The following IREB2 variants were observed in gnomAD, a reference collection of about 807,000 sequenced individuals.
The protein encoded by IREB2 is iron responsive element binding protein 2.
IREB2 carries 39 observed loss-of-function variants against 118.8 expected under a neutral mutation model. That is an observed-to-expected ratio of 0.33 (90% confidence interval 0.25 to 0.43). The LOEUF (loss-of-function observed/expected upper bound fraction) is 0.43. IREB2 is among the 20% of genes least tolerant of loss of function. IREB2 has a pLI of 1.00. For synonymous variants in IREB2, 372 were observed against 392.2 expected (o/e 0.95, Z 0.61); for missense variants, 900 against 1,147.3 (o/e 0.78, Z 3.11).
At chr15:78,459,001 A>G (rs1002148889) in intron 2 of IREB2, among the ~76,000 whole-genome samples, 1 of 152,046 alleles carries the variant, frequency 6.6e-6, no homozygotes, top group African/African-American at 2.4e-5. Context: ...GGTTTCCACC[A>G]TGTTGCCCAG....
At position 78,484,806 on chromosome 15, in the gene IREB2, A is replaced by G. The variant is rs1439401987; in HGVS notation, c.1459A>G (p.Ile487Val). 4 of 1,613,666 alleles carry G rather than the reference A, an allele frequency of 2.5e-6. No homozygotes were observed. Among genetic ancestry groups the G allele is most frequent in the Middle Eastern group, 1.7e-4 (1 of 5,912 alleles). Reference sequence around the variant, plus strand: ...AATTGCAGCTGAAAAACAAAAGGATATTGTCTCCATTCATTATGAAGGAAG... The same window carrying G: ...AATTGCAGCTGAAAAACAAAAGGATGTTGTCTCCATTCATTATGAAGGAAG... ...FQIAAEKQKD[I>V]VSIHYEGSEY... is the part of the protein sequence containing the mutation. The change falls in exon 12 of 22, where the codon ATT (isoleucine) becomes GTT (valine). Residue 487 changes from isoleucine to valine, a missense_variant. Transcript: ENST00000258886.
intron 9 of IREB2, chr15:78,476,583 C>A: frequency 3.0e-6 from 1 of 335,288 alleles, no homozygotes; most frequent in Non-Finnish European, 5.5e-6. Flanking sequence ...TTATTCAAAC[C>A]ATTGATCCTG....
At chr15:78,484,737 A>G in intron 11 of IREB2, 24 bp from the exon 12 acceptor site, 1 of 1,581,416 alleles carries the variant, frequency 6.3e-7, no homozygotes, top group Non-Finnish European at 8.7e-7. Flanking sequence ...TATTTAGTTT[A>G]TATTTTTGTG....
intron 9 of IREB2, among the ~76,000 whole-genome samples, 158 bp from the exon 10 acceptor site, chr15:78,478,139 T>C (rs571868580): frequency 8.7e-5 from 13 of 149,798 alleles, no homozygotes; most frequent in African/African-American, 3.2e-4. Context: ...GAGGCTGACA[T>C]GGGAGGATTG....
rs375450571 is a variant in IREB2 at position 78,448,485 on chromosome 15, AATTT to A, written c.106+8617_106+8620del. Reference sequence around the variant, plus strand: ...TTAAAAGAGAGAAAAAAAAGGTCAGAATTTATTTATTTATTTGAAGAAATAAGGT... The same window carrying A: ...TTAAAAGAGAGAAAAAAAAGGTCAGAATTTATTTATTTGAAGAAATAAGGT... On this transcript the variant is annotated intron_variant, in intron 2 of 21. Transcript: ENST00000258886. Among the ~76,000 whole-genome samples, 141 of 152,228 alleles carry A rather than the reference AATTT, an allele frequency of 9.3e-4. 1 individual carries two copies. The highest frequency in any genetic ancestry group is 3.2e-3 in the African/African-American group (134 of 41,534).
At chr15:78,451,636 C>T (rs180732769) in intron 2 of IREB2, among the ~76,000 whole-genome samples, 32 of 152,260 alleles carry the variant, frequency 2.1e-4, no homozygotes, top group Middle Eastern at 3.4e-3. Flanking sequence ...AAATCTGAAA[C>T]TTTTTGAGCA....
chr15:78,447,927 G>A (rs555822556), intron 2 of IREB2, among the ~76,000 whole-genome samples: 2 of 152,336 alleles, frequency 1.3e-5, no homozygotes, highest in East Asian at 3.9e-4. Context: ...TTGTCTGTTG[G>A]AAGGCTGGCT....
At chr15:78,477,523 T>G (rs2051492321) in intron 9 of IREB2, among the ~76,000 whole-genome samples, 1 of 152,178 alleles carries the variant, frequency 6.6e-6, no homozygotes, top group African/African-American at 2.4e-5. Flanking sequence ...ACGTGGTAGA[T>G]TCTCAAGGGT....
rs149930565 is a variant in IREB2, at chr15:78,458,761, T to A, written c.107-4161T>A. Among the ~76,000 whole-genome samples, 365 of 152,350 alleles carry A rather than the reference T, an allele frequency of 2.4e-3. 1 individual carries two copies. Among genetic ancestry groups the A allele is most frequent in the African/African-American group, 8.4e-3 (351 of 41,594 alleles). On this transcript the variant is annotated intron_variant, in intron 2 of 21. Coordinates refer to ENST00000258886, the MANE Select transcript of IREB2 (RefSeq NM_004136.4). ...TCATAAGAGCAGATACCACGTCTCATTTGTTCACCTAGTGCTGGAACATAC... is the reference window on the plus strand; with the variant it reads ...TCATAAGAGCAGATACCACGTCTCAATTGTTCACCTAGTGCTGGAACATAC...
At chr15:78,461,218 G>A (rs1356700580) in intron 2 of IREB2, among the ~76,000 whole-genome samples, 1 of 152,080 alleles carries the variant, frequency 6.6e-6, no homozygotes, top group African/African-American at 2.4e-5. Context: ...ATCATACATT[G>A]TCACCTCAGG....
chr15:78,458,791 A>G (rs1567167249), intron 2 of IREB2, among the ~76,000 whole-genome samples: 2 of 152,202 alleles, frequency 1.3e-5, no homozygotes, highest in Non-Finnish European at 2.9e-5. Context: ...ACATACTAGA[A>G]AAGTCAATAA....
intron 5 of IREB2, among the ~76,000 whole-genome samples, chr15:78,469,084 T>C (rs1271247623): frequency 1.3e-5 from 2 of 152,234 alleles, no homozygotes; most frequent in Admixed American, 1.3e-4. Flanking sequence ...AATTACAAAG[T>C]ATTAAGATAG....
intron 4 of IREB2, among the ~76,000 whole-genome samples, chr15:78,465,731 TG>T (rs2051271320): frequency 6.6e-6 from 1 of 152,222 alleles, no homozygotes; most frequent in Admixed American, 6.5e-5. Flanking sequence ...TTTAATTATT[TG>T]GTGATTAAAA....
intron 2 of IREB2, among the ~76,000 whole-genome samples, chr15:78,460,460 A>G (rs1314303898): frequency 6.6e-6 from 1 of 152,132 alleles, no homozygotes; most frequent in East Asian, 1.9e-4. Flanking sequence ...TATTTGATGT[A>G]TTTTGGTGAA....
intron 10 of IREB2, 32 bp downstream of exon 10, chr15:78,478,429 G>A (rs143607853): frequency 1.5e-6 from 2 of 1,305,314 alleles, no homozygotes; most frequent in Non-Finnish European, 2.2e-6. Context: ...TCGTAGCAAA[G>A]AGTGTAAATT....
chr15:78,463,506 TTTTG>T (rs2051231348), intron 3 of IREB2, among the ~76,000 whole-genome samples: 1 of 151,990 alleles, frequency 6.6e-6, no homozygotes, highest in African/African-American at 2.4e-5. Flanking sequence ...TTTTGTTTTG[TTTTG>T]TTTTTGTTTG....
At chr15:78,460,923 C>G (rs1199393813) in intron 2 of IREB2, among the ~76,000 whole-genome samples, 1 of 152,138 alleles carries the variant, frequency 6.6e-6, no homozygotes. Flanking sequence ...CATCCACAAT[C>G]ATAAGCAGTT....
intron 2 of IREB2, among the ~76,000 whole-genome samples, chr15:78,458,810 G>A (rs143159564): frequency 1.3e-3 from 192 of 152,222 alleles, no homozygotes; most frequent in East Asian, 4.4e-3. Context: ...AAATATATTC[G>A]TTTTGTTGTT....
At chr15:78,437,764 G>C (rs1473627537), upstream of IREB2, 1 of 152,886 alleles carries the variant, frequency 6.5e-6, no homozygotes, top group Non-Finnish European at 1.5e-5. Context: ...CGCCTCCCAC[G>C]CGCCCGATCA....
Sources: gnomAD v4.1 joint callset for allele counts (sites outside exome capture counted in the v4.1 genomes callset) on GRCh38, gnomAD v4.1.1 for gene constraint, MANE v1.5 for transcripts, NCBI Gene and HGNC (gene_info 2026-07-23, HGNC 2026-07-21) for gene names.